NXN: variants seen among roughly 807,000 people sequenced by gnomAD.
NXN encodes the protein nucleoredoxin 1.
NXN carries 16 observed loss-of-function variants against 48.6 expected under a neutral mutation model. That is an observed-to-expected ratio of 0.33 (90% CI 0.22 to 0.50). The LOEUF (loss-of-function observed/expected upper bound fraction) is 0.50, where lower values mean the gene tolerates loss of function less well. NXN is among the 20% of genes least tolerant of loss of function. The pLI is 0.98. For missense variants in NXN, 492 were observed against 605.5 expected (o/e 0.81, Z 1.97); for synonymous variants, 281 against 269.6 (o/e 1.04, Z -0.41).
At chr17:841,070 C>A (rs916606539) in intron 1 of NXN, among the ~76,000 whole-genome samples, 2 of 152,200 alleles carry the variant, frequency 1.3e-5, no homozygotes, top group African/African-American at 4.8e-5. Context: ...CTTAGTCTCC[C>A]CACACCTCAC....
At chr17:881,629 C>T (rs58138206) in intron 1 of NXN, among the ~76,000 whole-genome samples, 1,697 of 152,274 alleles carry the variant, frequency 0.011, 20 homozygotes, top group East Asian at 0.049. Context: ...TCCTACTCAT[C>T]AGTATTTACC....
At chr17:922,032 C>T (rs1370746291) in intron 1 of NXN, among the ~76,000 whole-genome samples, 2 of 152,200 alleles carry the variant, frequency 1.3e-5, no homozygotes, top group African/African-American at 4.8e-5. Context: ...CACATCAACC[C>T]TTTGGTAGTA....
intron 1 of NXN, among the ~76,000 whole-genome samples, chr17:846,607 C>CT (rs1050776059): frequency 5.9e-5 from 9 of 152,076 alleles, no homozygotes; most frequent in African/African-American, 1.7e-4. Context: ...CCCCTGTACC[C>CT]TTTTTTTATT....
At chr17:936,217 G>A (rs8069950) in intron 1 of NXN, among the ~76,000 whole-genome samples, 42,599 of 151,424 alleles carry the variant, frequency 0.28, 6,399 homozygotes, top group South Asian at 0.36. Context: ...CTCAAGACAC[G>A]CCATCGGGCT....
chr17:912,944 A>G (rs1257143128), intron 1 of NXN, among the ~76,000 whole-genome samples: 1 of 152,180 alleles, frequency 6.6e-6, no homozygotes, highest in African/African-American at 2.4e-5. Flanking sequence ...ACAGAGTGAA[A>G]CAAGGAAAGG....
At chr17:924,829 G>A (rs569026381) in intron 1 of NXN, among the ~76,000 whole-genome samples, 9 of 152,320 alleles carry the variant, frequency 5.9e-5, no homozygotes, top group East Asian at 3.9e-4. Flanking sequence ...TCACACCTTC[G>A]GTGTAAGTTA....
chr17:871,382 C>T (rs1369728302), intron 1 of NXN, among the ~76,000 whole-genome samples: 3 of 148,124 alleles, frequency 2.0e-5, no homozygotes, highest in South Asian at 2.2e-4. Context: ...AGTGATAAAT[C>T]GCAGCATACG....
intron 1 of NXN, among the ~76,000 whole-genome samples, chr17:972,313 T>A (rs2586265): frequency 0.18 from 26,682 of 150,142 alleles, 5,330 homozygotes; most frequent in African/African-American, 0.5. Context: ...AAAAAAAATT[T>A]AAAAAATACA....
At chr17:852,384 C>A (rs75986355) in intron 1 of NXN, among the ~76,000 whole-genome samples, 1 of 152,140 alleles carries the variant, frequency 6.6e-6, no homozygotes, top group Non-Finnish European at 1.5e-5. Flanking sequence ...TGGGACCCCC[C>A]GTGCCCACAG....
At chr17:938,163 G>A (rs769161885) in intron 1 of NXN, among the ~76,000 whole-genome samples, 7 of 152,246 alleles carry the variant, frequency 4.6e-5, no homozygotes, top group Non-Finnish European at 1.0e-4. Context: ...ATGCCTATTC[G>A]GAGGGGTCAG....
In NXN at chr17:919,605, G is replaced by A. The variant is rs77547562; in HGVS notation, c.360+59714C>T. Among the ~76,000 whole-genome samples the A allele has an allele frequency of 3.2e-3, 487 of 152,130 alleles. 5 individuals are homozygous for A. The highest frequency in any genetic ancestry group is 0.011 in the African/African-American group (463 of 41,502). On this transcript the variant is annotated intron_variant, in intron 1 of 7. Transcript: ENST00000336868. This position sits in a 1 kb window ranked among gnomAD's most constrained non-coding sequence, Gnocchi z 5.1. ...GGGTTACAGAACCTACGTCGTCCTC[G>A]GAATCCCCGCATTCGTCCCACGCGG...
At chr17:867,621 G>A (rs900229516) in intron 1 of NXN, among the ~76,000 whole-genome samples, 4 of 152,146 alleles carry the variant, frequency 2.6e-5, no homozygotes, top group Admixed American at 1.3e-4. Flanking sequence ...AGTTTAACAC[G>A]TGGAAGATTG....
chr17:912,830 T>C (rs1002796870), intron 1 of NXN, among the ~76,000 whole-genome samples: 2 of 152,174 alleles, frequency 1.3e-5, no homozygotes, highest in African/African-American at 4.8e-5. Flanking sequence ...GGTACGTGTC[T>C]GTAATCCCAG....
Position 825,712 on chromosome 17 carries a change from G to A in NXN, c.478+249C>T, listed in dbSNP as rs147229827. On this transcript the variant is annotated intron_variant, in intron 2 of 7. Coordinates refer to ENST00000336868, the MANE Select transcript of NXN (RefSeq NM_022463.5). The surrounding 1 kb of genome is among the most constrained non-coding windows in gnomAD (Gnocchi z 4.1). ...CGGCCCTCCAAGCGGAGCTTCTTAC[G>A]GCAGAGTCCATCTCTTTTGGCCCAT... 40 of 411,032 alleles carry A rather than the reference G, an allele frequency of 9.7e-5. No homozygotes were observed. Among genetic ancestry groups the A allele is most frequent in the East Asian group, 1.8e-4 (4 of 22,096 alleles). 25.5% of individuals were successfully genotyped at this position (411,032 alleles called of 1,614,324 possible).
At chr17:968,196 T>C (rs1258043450) in intron 1 of NXN, among the ~76,000 whole-genome samples, 1 of 152,116 alleles carries the variant, frequency 6.6e-6, no homozygotes, top group South Asian at 2.1e-4. Context: ...AGTTGATGAC[T>C]GTTGAATGTG....
At chr17:865,129 C>T (rs1035673548) in intron 1 of NXN, among the ~76,000 whole-genome samples, 6 of 152,170 alleles carry the variant, frequency 3.9e-5, no homozygotes, top group Non-Finnish European at 8.8e-5. Context: ...TGTCCATCTC[C>T]CCTCCCTGTG....
At chr17:866,177 G>A (rs1243528199) in intron 1 of NXN, among the ~76,000 whole-genome samples, 1 of 152,160 alleles carries the variant, frequency 6.6e-6, no homozygotes, top group African/African-American at 2.4e-5. Context: ...GAAGAGACTG[G>A]CAAGATATTA....
chr17:835,582 C>T (rs554766554), intron 1 of NXN, among the ~76,000 whole-genome samples: 8 of 152,268 alleles, frequency 5.3e-5, no homozygotes, highest in African/African-American at 1.7e-4. Flanking sequence ...AGGCCAGAAA[C>T]GCTTCTACAG....
At chr17:964,152 G>A (rs1001969162) in intron 1 of NXN, among the ~76,000 whole-genome samples, 35 of 152,308 alleles carry the variant, frequency 2.3e-4, no homozygotes, top group African/African-American at 7.9e-4. Context: ...GGCGTATGAA[G>A]TCATGCTGAG....
Sources: allele counts gnomAD v4.1 joint callset (sites outside exome capture counted in the v4.1 genomes callset), GRCh38; gene constraint gnomAD v4.1.1; non-coding constraint Gnocchi (gnomAD v3.1); transcripts MANE v1.5; gene names NCBI Gene and HGNC (gene_info 2026-07-23, HGNC 2026-07-21).